PHIP: variants seen among roughly 807,000 people sequenced by gnomAD.
The protein encoded by PHIP is PH-interacting protein.
Under a neutral mutation model 236.8 loss-of-function variants are expected in PHIP, and 54 were observed. The observed-to-expected ratio is 0.23, with a 90% confidence interval of 0.18 to 0.29. The LOEUF (loss-of-function observed/expected upper bound fraction) is 0.29, where lower values mean the gene tolerates loss of function less well. PHIP is among the 10% of genes least tolerant of loss of function. The pLI is 1.00. For synonymous variants in PHIP, 756 were observed against 718.9 expected, an observed-to-expected ratio of 1.05 and a Z score of -0.83; for missense variants, 1,370 against 2,190.8, an observed-to-expected ratio of 0.63 and a Z score of 7.48.
intron 4 of PHIP, among the ~76,000 whole-genome samples, chr6:79,064,856 A>T (rs1039074262): frequency 4.6e-5 from 7 of 152,214 alleles, no homozygotes; most frequent in Admixed American, 2.0e-4. Context: ...AGACTTGCAT[A>T]GCAAACTTTC....
In PHIP at chr6:79,033,120, C is replaced by T. The variant is rs115259748; in HGVS notation, c.601-6956G>A. On this transcript the variant is annotated intron_variant, in intron 7 of 39. Transcript: ENST00000275034. ...TGGGCTTAAAATATTCAGTAAACCA[C>T]GCTATAAAAAGATATGCTGTCATCC... is the stretch of plus-strand genomic sequence containing the variant. Among the ~76,000 whole-genome samples the T allele has an allele frequency of 3.3e-3, 494 of 151,948 alleles. 4 individuals carry two copies. Among genetic ancestry groups the T allele is most frequent in the African/African-American group, 0.011 (464 of 41,450 alleles).
chr6:79,031,636 C>T (rs1387694832), intron 7 of PHIP, among the ~76,000 whole-genome samples: 3 of 152,146 alleles, frequency 2.0e-5, no homozygotes, highest in Non-Finnish European at 4.4e-5. Context: ...AAAAAACACA[C>T]ATATTATGAT....
chr6:78,988,778 T>C (rs1282278498), intron 20 of PHIP, among the ~76,000 whole-genome samples: 1 of 151,962 alleles, frequency 6.6e-6, no homozygotes, highest in Non-Finnish European at 1.5e-5. Flanking sequence ...GGATTCATGA[T>C]AAAAGACTAA....
At chr6:78,958,416 G>T in intron 32 of PHIP, 59 bp downstream of exon 32, 1 of 1,064,984 alleles carries the variant, frequency 9.4e-7, no homozygotes, top group Non-Finnish European at 1.4e-6. Context: ...ATTTTAAGAG[G>T]AACTGTAGTG....
intron 25 of PHIP, among the ~76,000 whole-genome samples, chr6:78,970,535 C>T (rs1054360121): frequency 6.6e-6 from 1 of 152,112 alleles, no homozygotes; most frequent in Non-Finnish European, 1.5e-5. Flanking sequence ...GACTTATTAC[C>T]TAATTTTCAC....
In PHIP at chr6:79,015,704, C is replaced by T; in HGVS notation, c.1315G>A (p.Val439Ile). The change falls in exon 14 of 40, where the codon GTT (valine) becomes ATT (isoleucine). Residue 439 changes from valine (V) to isoleucine (I), a missense_variant. Physicochemically the swap from Val to Ile is conservative, Grantham distance 29. Around this residue, in one of 14 missense-constraint regions of PHIP, gnomAD observed 188 missense variants for 354.3 expected, o/e 0.53. Transcript: ENST00000275034. The part of the protein sequence containing the change: ...MVAWDRHDNT[V>I]ITAVNNMTLK... Reference sequence around the variant, plus strand: ...GTCATGTTATTAACTGCAGTTATAACTGTATTGTCATGTCGATCCCAAGCT... The same window carrying T: ...GTCATGTTATTAACTGCAGTTATAATTGTATTGTCATGTCGATCCCAAGCT... 6.2e-7 allele frequency: 1 copy of T among 1,604,054 alleles called. No homozygotes were observed. Among genetic ancestry groups the T allele is most frequent in the African/African-American group, 1.3e-5 (1 of 74,758 alleles).
At chr6:79,034,719 G>T (rs1771844403) in intron 7 of PHIP, among the ~76,000 whole-genome samples, 2 of 152,114 alleles carry the variant, frequency 1.3e-5, no homozygotes, top group African/African-American at 2.4e-5. Context: ...GTCAATTTAG[G>T]CCCAGATGTT....
chr6:78,956,308 C>G (rs1766412011), intron 32 of PHIP: 1 of 152,068 alleles, frequency 6.6e-6, no homozygotes. Context: ...AATTAGTGGT[C>G]AAGGGCTGTG....
At chr6:79,036,921 C>CAAAAAAAA (rs34875528) in intron 7 of PHIP, among the ~76,000 whole-genome samples, 3 of 38,960 alleles carry the variant, frequency 7.7e-5, no homozygotes, top group Non-Finnish European at 9.3e-5. Context: ...GACTCCGTCT[C>CAAAAAAAA]AAAAAAAAAA....
At chr6:78,994,524 C>T (rs1340456987) in intron 19 of PHIP, among the ~76,000 whole-genome samples, 8 of 152,076 alleles carry the variant, frequency 5.3e-5, no homozygotes, top group South Asian at 2.1e-4. Flanking sequence ...TTGCGGTGAG[C>T]CGAGATCACG....
At chr6:79,010,234 T>C (rs1025719141) in intron 15 of PHIP, among the ~76,000 whole-genome samples, 1 of 151,878 alleles carries the variant, frequency 6.6e-6, no homozygotes, top group South Asian at 2.1e-4. Context: ...TACATACAGC[T>C]ACAATTATCT....
At chr6:79,027,773 T>C (rs1198061799) in intron 7 of PHIP, among the ~76,000 whole-genome samples, 1 of 152,078 alleles carries the variant, frequency 6.6e-6, no homozygotes, top group Non-Finnish European at 1.5e-5. Flanking sequence ...AACCCAGAAG[T>C]GGTGATGCTT....
intron 29 of PHIP, among the ~76,000 whole-genome samples, chr6:78,964,173 T>C (rs1375860652): frequency 2.0e-5 from 3 of 152,126 alleles, no homozygotes; most frequent in Non-Finnish European, 4.4e-5. Context: ...TGGTTACCAA[T>C]TGATTTAAGA....
At chr6:78,971,382 G>C (rs1233982064) in intron 24 of PHIP, among the ~76,000 whole-genome samples, 1 of 152,188 alleles carries the variant, frequency 6.6e-6, no homozygotes, top group African/African-American at 2.4e-5. Flanking sequence ...TACTGTCTTG[G>C]AGAACTAGTA....
intron 35 of PHIP, among the ~76,000 whole-genome samples, chr6:78,952,644 T>C (rs550167425): frequency 6.6e-6 from 1 of 152,134 alleles, no homozygotes; most frequent in Non-Finnish European, 1.5e-5. Flanking sequence ...TTTGCTTAGA[T>C]CTTTACACTT....
chr6:79,008,994 A>AT (rs1422062185), intron 15 of PHIP, among the ~76,000 whole-genome samples: 2 of 151,940 alleles, frequency 1.3e-5, no homozygotes, highest in Non-Finnish European at 2.9e-5. Context: ...TCATTTATGT[A>AT]TTTTTTTCTT....
chr6:78,979,049 G>C (rs1210379857), intron 23 of PHIP, among the ~76,000 whole-genome samples: 2 of 152,066 alleles, frequency 1.3e-5, no homozygotes, highest in African/African-American at 4.8e-5. Context: ...AAAGTATATA[G>C]GAGACTGTGT....
chr6:79,063,092 C>G (rs944882278), intron 4 of PHIP, among the ~76,000 whole-genome samples: 2 of 152,180 alleles, frequency 1.3e-5, no homozygotes, highest in Admixed American at 1.3e-4. Flanking sequence ...CAAAAATACA[C>G]AAGCCCTACC....
At chr6:78,973,604 C>T (rs1282777426) in intron 24 of PHIP, among the ~76,000 whole-genome samples, 1 of 108,880 alleles carries the variant, frequency 9.2e-6, no homozygotes, top group East Asian at 2.7e-4. Context: ...ACAGTCAAGA[C>T]CCATCAGTGT....
Sources: gnomAD v4.1 joint callset for allele counts (sites outside exome capture counted in the v4.1 genomes callset) on GRCh38, gnomAD v4.1.1 for gene constraint, gnomAD v4.1.1 regional missense constraint, MANE v1.5 for transcripts, NCBI Gene and HGNC (gene_info 2026-07-23, HGNC 2026-07-21) for gene names.